Variants in CLCN3 observed in about 807,000 individuals in gnomAD.
The protein encoded by CLCN3 is H(+)/Cl(-) exchange transporter 3.
CLCN3 carries 16 observed loss-of-function variants against 83.4 expected under a neutral mutation model. That is an observed-to-expected ratio of 0.19 (90% CI 0.13 to 0.29). The LOEUF (loss-of-function observed/expected upper bound fraction) is 0.29, where lower values mean the gene tolerates loss of function less well. Among genes scored for constraint, CLCN3 ranks in the 10% least tolerant of loss-of-function variants. CLCN3 has a pLI of 1.00. For missense variants in CLCN3, 544 were observed against 1,006.0 expected (o/e 0.54, Z 6.21); for synonymous variants, 322 against 346.2 (o/e 0.93, Z 0.78).
At chr4:169,703,649 A>T (rs182350831) in intron 9 of CLCN3, among the ~76,000 whole-genome samples, 1 of 150,388 alleles carries the variant, frequency 6.6e-6, no homozygotes, top group African/African-American at 2.5e-5. Flanking sequence ...TATATATTGT[A>T]TCCAGCATAT....
chr4:169,622,874 A>T (rs1002045995), intron 1 of CLCN3, among the ~76,000 whole-genome samples: 1 of 152,242 alleles, frequency 6.6e-6, no homozygotes, highest in Non-Finnish European at 1.5e-5. Flanking sequence ...AAAGCAATGT[A>T]AAATTACAGA....
At position 169,640,728 on chromosome 4, in the gene CLCN3, A is replaced by G. The variant is rs1407465265; in HGVS notation, c.160+4640A>G. ...AAGAGAACCATATGGCTCTTGACTC[A>G]TTGAAAATGAAGCACATGACTGTTC... On this transcript the variant is annotated intron_variant, in intron 2 of 12. Transcript: ENST00000513761. Among the ~76,000 whole-genome samples the G allele has an allele frequency of 3.3e-5, 5 of 152,298 alleles. No individual in the cohort carries two copies. In the South Asian group the frequency reaches 8.3e-4, roughly 25 times the overall value.
At chr4:169,687,782 C>A in intron 4 of CLCN3, 25 bp downstream of exon 4, 1 of 1,329,078 alleles carries the variant, frequency 7.5e-7, no homozygotes, top group Non-Finnish European at 1.1e-6. Flanking sequence ...TCAAGCAATC[C>A]TTTTTTAGTT....
chr4:169,653,957 C>T (rs868110603), intron 2 of CLCN3, among the ~76,000 whole-genome samples: 1 of 152,158 alleles, frequency 6.6e-6, no homozygotes, highest in African/African-American at 2.4e-5. Context: ...CACTGGAAAT[C>T]GCATTTCAAC....
chr4:169,622,228 C>G (rs1028717710), intron 1 of CLCN3, among the ~76,000 whole-genome samples: 2 of 152,214 alleles, frequency 1.3e-5, no homozygotes, highest in African/African-American at 4.8e-5. Context: ...TATGTGTTAT[C>G]AGTCATACAT....
chr4:169,673,920 T>G (rs1731576892), intron 2 of CLCN3, among the ~76,000 whole-genome samples: 1 of 152,180 alleles, frequency 6.6e-6, no homozygotes, highest in African/African-American at 2.4e-5. Flanking sequence ...AGACATGACG[T>G]GCTTTTACTC....
rs1339750547 is a variant in CLCN3, at chr4:169,696,735, A to G, written c.1018-454A>G. On this transcript the variant is annotated intron_variant, in intron 8 of 12. Transcript: ENST00000513761. ...CCTAGCCTCTGGTAACCCCTATTCT[A>G]CTCTCTACTTCTATGAATTTAACTC... Among the ~76,000 whole-genome samples the G allele has an allele frequency of 2.1e-5, 3 of 144,390 alleles. No individual in the cohort carries two copies. In the Admixed American group the frequency reaches 2.1e-4, roughly 10 times the overall value. The allele number at this position is 144,390 out of a possible 152,430, so 94.7% of individuals were successfully genotyped here.
At chr4:169,690,421 A>G (rs1732323139) in intron 5 of CLCN3, 109 bp from the exon 6 acceptor site, 2 of 1,127,240 alleles carry the variant, frequency 1.8e-6, no homozygotes, top group South Asian at 1.6e-5. Context: ...CTGGGATTAC[A>G]GGCGTGAGCC....
intron 1 of CLCN3, among the ~76,000 whole-genome samples, chr4:169,624,858 C>G (rs1773193103): frequency 6.6e-6 from 1 of 152,126 alleles, no homozygotes; most frequent in Admixed American, 6.5e-5. Flanking sequence ...GTGGCGCGAT[C>G]TCAGCTATCC....
intron 2 of CLCN3, among the ~76,000 whole-genome samples, chr4:169,674,014 C>T (rs1731580954): frequency 6.6e-6 from 1 of 152,170 alleles, no homozygotes; most frequent in Admixed American, 6.5e-5. Context: ...TTTTCAAAAT[C>T]AGAACATTTA....
intron 2 of CLCN3, among the ~76,000 whole-genome samples, chr4:169,643,559 GTC>G (rs1246820788): frequency 6.6e-6 from 1 of 151,912 alleles, no homozygotes; most frequent in African/African-American, 2.4e-5. Flanking sequence ...AAAATTCAGG[GTC>G]TCATTCTGTC....
chr4:169,643,391 T>C lies in CLCN3; in HGVS notation c.160+7303T>C, dbSNP rs549210672. The stretch of plus-strand genomic sequence containing the variant: ...GATTACAGGCACGCACCACCATGCC[T>C]GGCTAATTTTTTGTATTTAGTAGAG... On this transcript the variant is annotated intron_variant, in intron 2 of 12. Transcript: ENST00000513761. Among the ~76,000 whole-genome samples, 160 of 151,220 alleles carry C rather than the reference T, an allele frequency of 1.1e-3. 1 individual carries two copies. Among genetic ancestry groups the C allele is most frequent in the African/African-American group, 3.3e-3 (136 of 41,164 alleles).
At chr4:169,700,199 T>C (rs1346349915) in intron 9 of CLCN3, among the ~76,000 whole-genome samples, 2 of 152,200 alleles carry the variant, frequency 1.3e-5, no homozygotes, top group East Asian at 3.9e-4. Flanking sequence ...GTACATGCCA[T>C]CATTTTGTGT....
chr4:169,674,212 A>AT (rs753865196), intron 2 of CLCN3, among the ~76,000 whole-genome samples: 1 of 152,122 alleles, frequency 6.6e-6, no homozygotes, highest in Non-Finnish European at 1.5e-5. Flanking sequence ...TAACCTTGAC[A>AT]TTTTTGGAGA....
intron 2 of CLCN3, among the ~76,000 whole-genome samples, chr4:169,649,719 T>C (rs1730679677): frequency 6.6e-6 from 1 of 152,234 alleles, no homozygotes; most frequent in Non-Finnish European, 1.5e-5. Context: ...AATAATCAGA[T>C]ACACAAATGT....
chr4:169,708,465 G>A (rs1733075557), intron 11 of CLCN3, among the ~76,000 whole-genome samples: 1 of 152,080 alleles, frequency 6.6e-6, no homozygotes, highest in South Asian at 2.1e-4. Context: ...TGATGACATA[G>A]TATTTTGTCA....
chr4:169,685,436 T>C (rs935231732), intron 3 of CLCN3, among the ~76,000 whole-genome samples: 17 of 152,346 alleles, frequency 1.1e-4, no homozygotes, highest in African/African-American at 3.6e-4. Flanking sequence ...GTTTATCTTC[T>C]GATTTTTAAA....
At position 169,689,189 on chromosome 4, in the gene CLCN3, C is replaced by T. The variant is rs1277130315; in HGVS notation, c.565C>T (p.Gln189Ter). ...TTFEERDKCP[Q>*]WKTWAELIIG... ...ATTTGAAGAGAGGGATAAATGTCCACAGTGGAAAACATGGGCAGAATTAAT... is the reference window on the plus strand; with the variant it reads ...ATTTGAAGAGAGGGATAAATGTCCATAGTGGAAAACATGGGCAGAATTAAT... The change falls in exon 5 of 13, where the codon CAG (glutamine) becomes TAG (stop). Residue 189 changes from glutamine to a stop codon, truncating the protein, a stop_gained. Transcript: ENST00000513761. LOFTEE classifies it high-confidence loss of function. 2 of 1,613,644 alleles carry T rather than the reference C, an allele frequency of 1.2e-6. No individual in the cohort carries two copies. The highest frequency in any genetic ancestry group is 1.7e-6 in the Non-Finnish European group (2 of 1,179,868).
At chr4:169,690,839 G>T (rs1362247667) in intron 6 of CLCN3, among the ~76,000 whole-genome samples, 187 bp downstream of exon 6, 1 of 151,980 alleles carries the variant, frequency 6.6e-6, no homozygotes, top group Admixed American at 6.6e-5. Context: ...TAGTCATTTG[G>T]TCATTTACTG....
Sources: gnomAD v4.1 joint callset for allele counts (sites outside exome capture counted in the v4.1 genomes callset) on GRCh38, gnomAD v4.1.1 for gene constraint, MANE v1.5 for transcripts, NCBI Gene and HGNC (gene_info 2026-07-23, HGNC 2026-07-21) for gene names.